Variants in IL26 observed in about 807,000 individuals in gnomAD.
IL26 encodes interleukin-26.
A neutral mutation model predicts 21.7 loss-of-function variants in IL26; 23 were observed. That is an observed-to-expected ratio of 1.06 (90% confidence interval 0.76 to 1.50). The LOEUF is 1.50. IL26 is among the 40% of genes most tolerant of loss of function. The pLI is 0.00. For missense variants in IL26, 204 were observed against 196.0 expected (o/e 1.04, Z -0.24); for synonymous variants, 63 against 67.8 (o/e 0.93, Z 0.34).
chr12:68,225,339 T>TC, intron 2 of IL26, 56 bp from the exon 3 acceptor site: 1 of 1,557,050 alleles, frequency 6.4e-7, no homozygotes, highest in Non-Finnish European at 8.7e-7. Flanking sequence ...TTTTTTAATG[T>TC]CCCCCGATCA....
chr12:68,218,078 G>A (rs545726969), intron 3 of IL26, among the ~76,000 whole-genome samples: 1 of 152,194 alleles, frequency 6.6e-6, no homozygotes, highest in South Asian at 2.1e-4. Context: ...AGATCAAACT[G>A]TTTGCAACTA....
chr12:68,214,749 G>A (rs781343659), intron 3 of IL26, among the ~76,000 whole-genome samples: 30 of 151,998 alleles, frequency 2.0e-4, no homozygotes, highest in Non-Finnish European at 3.7e-4. Context: ...TTTCTTATAG[G>A]TGGCATATTG....
chr12:68,205,177 C>G (rs995772912), intron 3 of IL26, among the ~76,000 whole-genome samples: 1 of 152,162 alleles, frequency 6.6e-6, no homozygotes, highest in African/African-American at 2.4e-5. Flanking sequence ...TTATCACATA[C>G]TTACTATATG....
intron 3 of IL26, among the ~76,000 whole-genome samples, chr12:68,210,016 GT>G (rs1298873341): frequency 6.6e-6 from 1 of 151,874 alleles, no homozygotes; most frequent in African/African-American, 2.4e-5. Flanking sequence ...CCTTCTTGTT[GT>G]TTTTTGTTTT....
rs1285371368 is a variant in IL26 at position 68,201,654 on chromosome 12, T to C, written c.*191A>G. ...AAACATTATTTGAAAACACAGAAAA[T>C]GTGCAAATTAGTGACAACTTATATC... On this transcript the variant is annotated 3_prime_UTR_variant, in exon 5 of 5. Coordinates refer to ENST00000229134, the MANE Select transcript of IL26 (RefSeq NM_018402.2). 9.0e-6 allele frequency: 4 copies of C among 443,646 alleles called. No individual in the cohort carries two copies. The highest frequency in any genetic ancestry group is 1.6e-5 in the Non-Finnish European group (4 of 251,398). The allele number at this position is 443,646 out of a possible 1,614,324, so 27.5% of individuals were successfully genotyped here.
At chr12:68,214,518 T>C (rs987210793) in intron 3 of IL26, among the ~76,000 whole-genome samples, 1 of 152,220 alleles carries the variant, frequency 6.6e-6, no homozygotes, top group Non-Finnish European at 1.5e-5. Flanking sequence ...GGTGCTCTTA[T>C]GTTGCATGCA....
chr12:68,224,659 AAAG>A lies in IL26; in HGVS notation c.363+487_363+489del, dbSNP rs145689422. On this transcript the variant is annotated intron_variant, in intron 3 of 4. Transcript: ENST00000229134. ...AAAGAAGGAAGGAAGGAAAAGAAAG[AAAG>A]AGAGAGGGAGGGAAGGAGGGTGGAG... Among the ~76,000 whole-genome samples, 1,050 of 147,664 alleles carry A rather than the reference AAAG, an allele frequency of 7.1e-3. 11 individuals are homozygous for A. The highest frequency in any genetic ancestry group is 0.024 in the African/African-American group (993 of 40,590).
chr12:68,225,419 A>C, intron 2 of IL26, 25 bp downstream of exon 2: 1 of 1,550,298 alleles, frequency 6.5e-7, no homozygotes, highest in Non-Finnish European at 8.8e-7. Flanking sequence ...GGAAATGTAA[A>C]AAAGAAGAAG....
chr12:68,222,070 G>C (rs1869061081), intron 3 of IL26, among the ~76,000 whole-genome samples: 1 of 152,170 alleles, frequency 6.6e-6, no homozygotes, highest in African/African-American at 2.4e-5. Flanking sequence ...CTTTAGCAGA[G>C]TAAGCATCTT....
intron 3 of IL26, among the ~76,000 whole-genome samples, chr12:68,215,189 T>C (rs542133202): frequency 1.1e-3 from 168 of 152,246 alleles, no homozygotes; most frequent in African/African-American, 4.0e-3. Flanking sequence ...CATTTTGACT[T>C]TTTGTTGAGG....
intron 3 of IL26, among the ~76,000 whole-genome samples, chr12:68,210,937 A>G (rs993243461): frequency 1.3e-5 from 2 of 152,210 alleles, no homozygotes; most frequent in Admixed American, 6.5e-5. Flanking sequence ...GCTGCACCCC[A>G]TAATTTTTTA....
intron 3 of IL26, among the ~76,000 whole-genome samples, chr12:68,208,952 C>T (rs1868625143): frequency 6.6e-6 from 1 of 152,188 alleles, no homozygotes; most frequent in Non-Finnish European, 1.5e-5. Context: ...GACTTACTGC[C>T]TCAGGGTCCA....
intron 3 of IL26, among the ~76,000 whole-genome samples, chr12:68,216,099 T>G (rs1378500162): frequency 6.6e-6 from 1 of 151,586 alleles, no homozygotes; most frequent in Non-Finnish European, 1.5e-5. Flanking sequence ...GAGACCATCC[T>G]GGCCAACATG....
At chr12:68,216,620 A>T (rs1868892004) in intron 3 of IL26, among the ~76,000 whole-genome samples, 1 of 152,244 alleles carries the variant, frequency 6.6e-6, no homozygotes, top group Non-Finnish European at 1.5e-5. Context: ...CAGTTCAACC[A>T]GTTGCAATTT....
intron 3 of IL26, among the ~76,000 whole-genome samples, chr12:68,206,524 A>T (rs1431875363): frequency 1.3e-5 from 2 of 152,290 alleles, no homozygotes; most frequent in East Asian, 1.9e-4. Context: ...ACCAATCCAT[A>T]AAAAAATGTT....
chr12:68,219,607 T>C (rs954499731), intron 3 of IL26, among the ~76,000 whole-genome samples: 4 of 151,454 alleles, frequency 2.6e-5, no homozygotes, highest in Non-Finnish European at 4.4e-5. Flanking sequence ...AATCTCAGCT[T>C]CCAAATAAAG....
At chr12:68,224,160 A>G (rs1216801828) in intron 3 of IL26, among the ~76,000 whole-genome samples, 1 of 151,946 alleles carries the variant, frequency 6.6e-6, no homozygotes, top group African/African-American at 2.4e-5. Flanking sequence ...CCTTTGTACC[A>G]TCTGCAAGCT....
chr12:68,203,319 A>G (rs1868439647), intron 3 of IL26, among the ~76,000 whole-genome samples: 1 of 152,246 alleles, frequency 6.6e-6, no homozygotes, highest in Non-Finnish European at 1.5e-5. Context: ...AAAGAAAGGA[A>G]AGAAAATGTG....
At chr12:68,224,050 CT>C (rs1869151564) in intron 3 of IL26, among the ~76,000 whole-genome samples, 6 of 144,688 alleles carry the variant, frequency 4.1e-5, no homozygotes, top group Admixed American at 4.0e-4. Context: ...CCCCCCCCCT[CT>C]AATGGCCCAG....
Sources: gnomAD v4.1 joint callset for allele counts (sites outside exome capture counted in the v4.1 genomes callset) on GRCh38, gnomAD v4.1.1 for gene constraint, MANE v1.5 for transcripts, NCBI Gene and HGNC (gene_info 2026-07-23, HGNC 2026-07-21) for gene names.